Variants in GULP1 observed in about 807,000 individuals in gnomAD.
GULP1 encodes the protein PTB domain-containing engulfment adapter protein 1.
GULP1 carries 19 observed loss-of-function variants against 40.9 expected under a neutral mutation model. That is an observed-to-expected ratio of 0.46 (90% CI 0.32 to 0.68). GULP1 has a LOEUF of 0.68. GULP1 is among the 30% of genes least tolerant of loss of function. GULP1 has a pLI of 0.03. For missense variants in GULP1, 312 were observed against 362.2 expected (o/e 0.86, Z 1.12); for synonymous variants, 119 against 117.6 (o/e 1.01, Z -0.08).
intron 7 of GULP1, among the ~76,000 whole-genome samples, chr2:188,546,361 T>C (rs1406140177): frequency 6.6e-6 from 1 of 152,008 alleles, no homozygotes; most frequent in Non-Finnish European, 1.5e-5. Context: ...GAATTAAAAT[T>C]ATTTAACGTT....
rs537382092 is a variant in GULP1, at chr2:188,545,164, T to TA, written c.399+3852dup. Among the ~76,000 whole-genome samples, 32 of 151,952 alleles carry TA rather than the reference T, an allele frequency of 2.1e-4. 1 individual carries two copies. Among genetic ancestry groups the TA allele is most frequent in the African/African-American group, 7.2e-4 (30 of 41,514 alleles). ...TTCTTCAGAAATTGGAAAGAAATTT[T>TA]AAAAAATTATTAGATGAATGAAAAT... On this transcript the variant is annotated intron_variant, in intron 7 of 11. Coordinates refer to ENST00000409830, the MANE Select transcript of GULP1 (RefSeq NM_016315.4).
chr2:188,347,575 C>A (rs2043852836), intron 1 of GULP1, among the ~76,000 whole-genome samples: 1 of 151,128 alleles, frequency 6.6e-6, no homozygotes, highest in South Asian at 2.1e-4. Flanking sequence ...AATTAGCACA[C>A]GTGTAGTTTC....
chr2:188,402,616 G>C (rs962641406), intron 2 of GULP1, among the ~76,000 whole-genome samples: 2 of 152,008 alleles, frequency 1.3e-5, no homozygotes, highest in Middle Eastern at 3.4e-3. Context: ...CCTTTAATTA[G>C]ACTATGCTGG....
chr2:188,557,740 G>A (rs1170174115), intron 7 of GULP1, among the ~76,000 whole-genome samples: 1 of 152,186 alleles, frequency 6.6e-6, no homozygotes, highest in Non-Finnish European at 1.5e-5. Flanking sequence ...GTCTGTGTGG[G>A]GTGTCTAATG....
Position 188,361,056 on chromosome 2 carries a change from T to C in GULP1, c.-171-22707T>C, listed in dbSNP as rs567699040. Among the ~76,000 whole-genome samples the C allele has an allele frequency of 5.9e-5, 9 of 152,226 alleles. No individual in the cohort carries two copies. In the South Asian group the frequency reaches 1.2e-3, roughly 21 times the overall value. ...AAAATGTCACTGCATTGCGTAATATTGCGCAGATGACAAAGATAGCTTGAC... is the reference window on the plus strand; with the variant it reads ...AAAATGTCACTGCATTGCGTAATATCGCGCAGATGACAAAGATAGCTTGAC... On this transcript the variant is annotated intron_variant, in intron 1 of 11. Transcript: ENST00000409830.
At chr2:188,379,720 C>T (rs923401548) in intron 1 of GULP1, among the ~76,000 whole-genome samples, 1 of 152,148 alleles carries the variant, frequency 6.6e-6, no homozygotes, top group African/African-American at 2.4e-5. Flanking sequence ...CCTGATGTAG[C>T]CTCATCTTAT....
chr2:188,492,793 G>T (rs1003396619), intron 4 of GULP1, among the ~76,000 whole-genome samples: 2 of 151,966 alleles, frequency 1.3e-5, no homozygotes, highest in Non-Finnish European at 2.9e-5. Context: ...GTTCCTAAAA[G>T]GTTGTTTTAA....
At chr2:188,438,925 C>T (rs1375755123) in intron 2 of GULP1, among the ~76,000 whole-genome samples, 1 of 151,600 alleles carries the variant, frequency 6.6e-6, no homozygotes, top group East Asian at 1.9e-4. Flanking sequence ...TATATATGTT[C>T]CAGAAATGTA....
At chr2:188,336,537 A>G (rs2042276563) in intron 1 of GULP1, among the ~76,000 whole-genome samples, 1 of 151,844 alleles carries the variant, frequency 6.6e-6, no homozygotes. Context: ...ATTAAATAAA[A>G]TCATGTAGTG....
chr2:188,316,339 A>G (rs2039077076), intron 1 of GULP1, among the ~76,000 whole-genome samples: 2 of 152,064 alleles, frequency 1.3e-5, no homozygotes, highest in Non-Finnish European at 2.9e-5. Context: ...CTTTTTGTCT[A>G]CTAGGTTGTT....
chr2:188,552,532 A>G (rs1007762117), intron 7 of GULP1, among the ~76,000 whole-genome samples: 15 of 151,982 alleles, frequency 9.9e-5, no homozygotes, highest in African/African-American at 3.4e-4. Flanking sequence ...TTTTTATACC[A>G]ATACCATACT....
intron 2 of GULP1, among the ~76,000 whole-genome samples, chr2:188,473,641 C>T (rs1414543330): frequency 1.3e-5 from 2 of 152,180 alleles, no homozygotes; most frequent in African/African-American, 4.8e-5. Context: ...TGTGCTGAAT[C>T]TTGCCAGTCC....
intron 1 of GULP1, among the ~76,000 whole-genome samples, chr2:188,304,920 A>G (rs560537320): frequency 4.1e-4 from 63 of 152,296 alleles, no homozygotes; most frequent in African/African-American, 1.4e-3. Flanking sequence ...TTCCCCATCA[A>G]TAAGCAGTGG....
intron 2 of GULP1, among the ~76,000 whole-genome samples, chr2:188,450,828 T>C (rs1406888346): frequency 1.3e-5 from 2 of 152,210 alleles, no homozygotes; most frequent in East Asian, 3.9e-4. Context: ...GATTACTCCA[T>C]GTTTCAGGAG....
chr2:188,380,770 T>C (rs976241138), intron 1 of GULP1, among the ~76,000 whole-genome samples: 8 of 152,208 alleles, frequency 5.3e-5, no homozygotes, highest in Non-Finnish European at 1.2e-4. Context: ...TTTCATATGA[T>C]GACAAGTAGA....
At position 188,429,464 on chromosome 2, in the gene GULP1, C is replaced by T. The variant is rs1030570108; in HGVS notation, c.-45+45575C>T. Among the ~76,000 whole-genome samples the T allele has an allele frequency of 3.3e-5, 5 of 151,938 alleles. No individual in the cohort carries two copies. In the East Asian group the frequency reaches 7.8e-4, roughly 24 times the overall value. On this transcript the variant is annotated intron_variant, in intron 2 of 11. Transcript: ENST00000409830. ...GCTGTGAGCCAAGATCTTGTTGGTGCACTTCAGTCTGGTCAACAGAGCAAG... is the reference window on the plus strand; with the variant it reads ...GCTGTGAGCCAAGATCTTGTTGGTGTACTTCAGTCTGGTCAACAGAGCAAG...
At position 188,541,172 on chromosome 2, in the gene GULP1, T is replaced by C. The variant is rs1288051630; in HGVS notation, c.262-9T>C. On this transcript the variant is annotated splice_polypyrimidine_tract_variant and intron_variant, in intron 6 of 11. Coordinates refer to ENST00000409830, the MANE Select transcript of GULP1 (RefSeq NM_016315.4). ...CATCAACTATGTTTATTTCCATCTG[T>C]GTTCACAGGAAGTTCAACACAATTG... 15 of 1,610,466 alleles carry C rather than the reference T, an allele frequency of 9.3e-6. No homozygotes were observed. Among genetic ancestry groups the C allele is most frequent in the Non-Finnish European group, 1.3e-5 (15 of 1,177,092 alleles).
chr2:188,516,746 T>C (rs2065214389), intron 4 of GULP1, among the ~76,000 whole-genome samples: 1 of 152,220 alleles, frequency 6.6e-6, no homozygotes, highest in East Asian at 1.9e-4. Context: ...GTTATGGTAG[T>C]TGATGCTACA....
intron 2 of GULP1, among the ~76,000 whole-genome samples, chr2:188,399,698 A>AAAAC (rs1553540242): frequency 6.8e-6 from 1 of 147,946 alleles, no homozygotes; most frequent in East Asian, 2.0e-4. Context: ...AAGAAAAAAA[A>AAAAC]AAAAAAAAAA....
Sources: allele counts gnomAD v4.1 joint callset (sites outside exome capture counted in the v4.1 genomes callset), GRCh38; gene constraint gnomAD v4.1.1; transcripts MANE v1.5; gene names NCBI Gene and HGNC (gene_info 2026-07-23, HGNC 2026-07-21).